DENND2A: variants seen among roughly 807,000 people sequenced by gnomAD.
DENND2A encodes the protein DENN domain-containing protein 2A.
In DENND2A, 53 loss-of-function variants were observed where a neutral mutation model predicts 105.3. That is an observed-to-expected ratio of 0.50 (90% confidence interval 0.40 to 0.63). The LOEUF (loss-of-function observed/expected upper bound fraction) is 0.63, where lower values mean the gene tolerates loss of function less well. Ranked by LOEUF, DENND2A falls within the 30% of genes least tolerant of loss-of-function variation. The pLI is 0.00. For synonymous variants in DENND2A, 522 were observed against 508.4 expected, an observed-to-expected ratio of 1.03 and a Z score of -0.36; for missense variants, 1,138 against 1,279.6, an observed-to-expected ratio of 0.89 and a Z score of 1.69.
intron 5 of DENND2A, among the ~76,000 whole-genome samples, chr7:140,581,969 G>GTT (rs373264245): frequency 0.024 from 3,555 of 146,554 alleles, 141 homozygotes; most frequent in African/African-American, 0.081. Context: ...TTGGGCAGAT[G>GTT]TTTTTTTTTT....
At chr7:140,592,445 T>C (rs544218833) in intron 3 of DENND2A, among the ~76,000 whole-genome samples, 1 of 152,058 alleles carries the variant, frequency 6.6e-6, no homozygotes, top group Non-Finnish European at 1.5e-5. Flanking sequence ...TCTCCTGACG[T>C]TGTGATCTGC....
At chr7:140,550,139 T>C (rs371141619) in intron 12 of DENND2A, among the ~76,000 whole-genome samples, 13 of 40,634 alleles carry the variant, frequency 3.2e-4, no homozygotes, top group Non-Finnish European at 9.2e-4. Flanking sequence ...AGGGGTGGGG[T>C]TAGGGGTGGG....
rs148724516 is a variant in DENND2A at position 140,542,817 on chromosome 7, C to T, written c.2327+1801G>A. On this transcript the variant is annotated intron_variant, in intron 14 of 19. Coordinates refer to ENST00000496613, the MANE Select transcript of DENND2A (RefSeq NM_015689.5). ...CTGACCTCAAGTGATCCACCTGCCT[C>T]GGCCTCCCAAAGTGCTGGGATTACA... Among the ~76,000 whole-genome samples, 298 of 152,170 alleles carry T rather than the reference C, an allele frequency of 2.0e-3. 2 individuals are homozygous for T. The highest frequency in any genetic ancestry group is 6.5e-3 in the African/African-American group (271 of 41,530).
chr7:140,546,005 G>C (rs188456236), intron 13 of DENND2A, among the ~76,000 whole-genome samples: 14 of 152,302 alleles, frequency 9.2e-5, no homozygotes, highest in Admixed American at 2.0e-4. Flanking sequence ...TGTTTCCAGA[G>C]GTGATCTGGT....
Position 140,628,744 on chromosome 7 carries a change from G to A in DENND2A, c.-248+11760C>T, listed in dbSNP as rs1317074516. On this transcript the variant is annotated intron_variant, in intron 1 of 19. Transcript: ENST00000496613. Reference sequence around the variant, plus strand: ...TTTAGTAGAGACGGGGTTTCACCATGTTGGTCAGGCTGGTCTCGAACTCCT... The same window carrying A: ...TTTAGTAGAGACGGGGTTTCACCATATTGGTCAGGCTGGTCTCGAACTCCT... Among the ~76,000 whole-genome samples, 3 of 152,058 alleles carry A rather than the reference G, an allele frequency of 2.0e-5. No homozygotes were observed. The East Asian group carries it at 5.8e-4, about 29-fold the overall frequency.
chr7:140,562,217 C>T (rs1797645543), intron 9 of DENND2A, among the ~76,000 whole-genome samples: 1 of 152,018 alleles, frequency 6.6e-6, no homozygotes, highest in Non-Finnish European at 1.5e-5. Flanking sequence ...CCCTTGCAGA[C>T]AATTTCTGAA....
intron 5 of DENND2A, among the ~76,000 whole-genome samples, chr7:140,574,866 A>C (rs1411219532): frequency 6.6e-6 from 1 of 151,950 alleles, no homozygotes; most frequent in East Asian, 1.9e-4. Flanking sequence ...AAAAATACAA[A>C]AAAATTAGCC....
At chr7:140,534,227 G>A (rs141719740) in intron 14 of DENND2A, among the ~76,000 whole-genome samples, 3,642 of 151,950 alleles carry the variant, frequency 0.024, 154 homozygotes, top group African/African-American at 0.083. Flanking sequence ...TGGGATTACA[G>A]GCACGTGCCA....
intron 3 of DENND2A, among the ~76,000 whole-genome samples, chr7:140,600,867 A>G (rs1799456989): frequency 6.6e-6 from 1 of 152,262 alleles, no homozygotes; most frequent in Non-Finnish European, 1.5e-5. Context: ...TTTATTTTTA[A>G]GCATTAACAT....
At chr7:140,591,959 C>CCTCCCTA (rs1479636234) in intron 3 of DENND2A, among the ~76,000 whole-genome samples, 4 of 34,816 alleles carry the variant, frequency 1.1e-4, no homozygotes, top group African/African-American at 6.7e-4. Context: ...TCCCTACTCC[C>CCTCCCTA]CTCCCCTCCC....
intron 8 of DENND2A, 30 bp from the exon 9 acceptor site, chr7:140,567,303 A>AGGG: frequency 1.3e-6 from 1 of 779,146 alleles, no homozygotes; most frequent in South Asian, 2.4e-5. Context: ...AGAAAGAGAG[A>AGGG]AAGAGAGAGA....
intron 12 of DENND2A, 24 bp downstream of exon 12, chr7:140,555,612 T>C (rs1797332121): frequency 6.2e-7 from 1 of 1,610,424 alleles, no homozygotes; most frequent in African/African-American, 1.3e-5. Flanking sequence ...TCCCTTCCTC[T>C]TTCTCTGAGG....
intron 5 of DENND2A, among the ~76,000 whole-genome samples, chr7:140,580,641 A>G (rs1263974875): frequency 2.0e-5 from 3 of 151,618 alleles, no homozygotes; most frequent in Non-Finnish European, 4.4e-5. Context: ...TATTATTATT[A>G]TTTATTTATT....
chr7:140,548,833 G>A (rs1285414832), intron 12 of DENND2A, among the ~76,000 whole-genome samples: 2 of 151,534 alleles, frequency 1.3e-5, no homozygotes, highest in Non-Finnish European at 2.9e-5. Flanking sequence ...GGCTGGTCTC[G>A]AACTCCCGAC....
intron 14 of DENND2A, among the ~76,000 whole-genome samples, chr7:140,539,482 G>T (rs1194752256): frequency 1.3e-5 from 2 of 152,212 alleles, no homozygotes; most frequent in African/African-American, 2.4e-5. Context: ...GTGCTAGGGA[G>T]ACTTTCCTTA....
At chr7:140,630,500 TG>T (rs1425017978) in intron 1 of DENND2A, among the ~76,000 whole-genome samples, 1 of 152,084 alleles carries the variant, frequency 6.6e-6, no homozygotes, top group East Asian at 1.9e-4. Context: ...AACTCTTCTT[TG>T]AAAGACAATT....
In DENND2A at chr7:140,585,580, G is replaced by A. The variant is rs765059457; in HGVS notation, c.1245+9C>T. Reference sequence around the variant, plus strand: ...CCCTCTCCTGCCACCATTCCCAGGGGACTCATACCTTGGTGAGTGTGTCAG... The same window carrying A: ...CCCTCTCCTGCCACCATTCCCAGGGAACTCATACCTTGGTGAGTGTGTCAG... On this transcript the variant is annotated intron_variant, in intron 5 of 19. Coordinates refer to ENST00000496613, the MANE Select transcript of DENND2A (RefSeq NM_015689.5). 1.2e-6 allele frequency: 2 copies of A among 1,614,012 alleles called. No homozygotes were observed. Among genetic ancestry groups the A allele is most frequent in the South Asian group, 1.1e-5 (1 of 91,072 alleles).
chr7:140,608,449 G>A (rs938031804), intron 1 of DENND2A, among the ~76,000 whole-genome samples: 1 of 152,108 alleles, frequency 6.6e-6, no homozygotes, highest in African/African-American at 2.4e-5. Context: ...GGCCGGGGTG[G>A]GCTGATCACT....
At chr7:140,565,776 C>A (rs941502558) in intron 9 of DENND2A, among the ~76,000 whole-genome samples, 1 of 151,958 alleles carries the variant, frequency 6.6e-6, no homozygotes, top group African/African-American at 2.4e-5. Flanking sequence ...AGGAGGTCGG[C>A]ACAAAATACA....
Sources: gnomAD v4.1 joint callset for allele counts (sites outside exome capture counted in the v4.1 genomes callset) on GRCh38, gnomAD v4.1.1 for gene constraint, MANE v1.5 for transcripts, NCBI Gene and HGNC (gene_info 2026-07-23, HGNC 2026-07-21) for gene names.